The following HMG20A variants were observed in gnomAD, a reference collection of about 807,000 sequenced individuals.
The protein encoded by HMG20A is high mobility group protein 20A.
Under a neutral mutation model 43.9 loss-of-function variants are expected in HMG20A, and 17 were observed. The ratio of observed to expected loss-of-function variants is 0.39; its 90% CI spans 0.27 to 0.58. The LOEUF (loss-of-function observed/expected upper bound fraction) is 0.58, where lower values mean the gene tolerates loss of function less well. HMG20A is among the 20% of genes least tolerant of loss of function. The probability of loss-of-function intolerance (pLI) is 0.59; values close to 1 mark genes in which losing one functional copy is unlikely to be tolerated. For synonymous variants in HMG20A, 132 were observed against 147.5 expected, an observed-to-expected ratio of 0.89 and a Z score of 0.76; for missense variants, 341 against 438.2, an observed-to-expected ratio of 0.78 and a Z score of 1.98.
the HMG20A span, among the ~76,000 whole-genome samples, chr15:77,519,286 G>A: frequency 6.6e-6 from 1 of 152,328 alleles, no homozygotes; most frequent in East Asian, 1.9e-4. Context: ...TTGAAGTAGG[G>A]AGACAAGCCC....
intron 2 of HMG20A, among the ~76,000 whole-genome samples, chr15:77,463,195 T>C (rs2072721688): frequency 6.6e-6 from 1 of 152,212 alleles, no homozygotes; most frequent in Non-Finnish European, 1.5e-5. Context: ...ACCAAGTTCT[T>C]TCTATCTGGA....
At chr15:77,421,995 G>A (rs553112681) in intron 1 of HMG20A, among the ~76,000 whole-genome samples, 72 of 152,296 alleles carry the variant, frequency 4.7e-4, no homozygotes, top group Middle Eastern at 3.4e-3. Flanking sequence ...GCTCACAAAG[G>A]ACAAAAGGTC....
intron 1 of HMG20A, among the ~76,000 whole-genome samples, chr15:77,427,965 C>T (rs1369968363): frequency 6.6e-6 from 1 of 152,196 alleles, no homozygotes; most frequent in Non-Finnish European, 1.5e-5. Flanking sequence ...TGCAGATCCT[C>T]TAAGGCCAGT....
intron 2 of HMG20A, among the ~76,000 whole-genome samples, chr15:77,458,912 T>G (rs1376876900): frequency 6.6e-6 from 1 of 152,234 alleles, no homozygotes; most frequent in Non-Finnish European, 1.5e-5. Context: ...TAACTTTAGC[T>G]GACTTCTGTT....
intron 4 of HMG20A, among the ~76,000 whole-genome samples, chr15:77,467,755 T>G (rs2072769778): frequency 6.6e-6 from 1 of 152,236 alleles, no homozygotes; most frequent in African/African-American, 2.4e-5. Flanking sequence ...CAAATTAACC[T>G]ACTATTGAAA....
rs866371720 is a variant in HMG20A at position 77,484,931 on chromosome 15, T to C, written c.*1968T>C. 1 of 152,236 alleles carries C rather than the reference T, an allele frequency of 6.6e-6. No homozygotes were observed. The highest frequency in any genetic ancestry group is 1.5e-5 in the Non-Finnish European group (1 of 68,040). The allele number at this position is 152,236 out of a possible 1,614,324, so 9.4% of individuals were successfully genotyped here. On this transcript the variant is annotated 3_prime_UTR_variant, in exon 10 of 10. Coordinates refer to ENST00000336216, the MANE Select transcript of HMG20A (RefSeq NM_001304504.2). ...TCCTCATATTTCTGTTTCTCATTTG[T>C]GTTCAGTTTTGTGCAGCATTGCTAG...
At position 77,468,398 on chromosome 15, in the gene HMG20A, T is replaced by A. The variant is rs75056967; in HGVS notation, c.450+1091T>A. Among the ~76,000 whole-genome samples the A allele has an allele frequency of 2.1e-3, 314 of 152,290 alleles. 1 individual carries two copies. The highest frequency in any genetic ancestry group is 7.2e-3 in the African/African-American group (301 of 41,548). On this transcript the variant is annotated intron_variant, in intron 4 of 9. Transcript: ENST00000336216. ...TTGTGTTTGTTTTTGTTTTTTTAAC[T>A]TTTTTTGGAAATAATTTCAAATACA... is the stretch of plus-strand genomic sequence containing the variant.
chr15:77,481,417 G>A (rs1158621285), intron 9 of HMG20A, among the ~76,000 whole-genome samples: 1 of 152,186 alleles, frequency 6.6e-6, no homozygotes, highest in South Asian at 2.1e-4. Context: ...TAGCACTCTT[G>A]TAGGCTTGAA....
At chr15:77,519,607 C>T in the HMG20A span, among the ~76,000 whole-genome samples, 58 of 152,310 alleles carry the variant, frequency 3.8e-4, 1 homozygote, top group East Asian at 9.7e-3. Context: ...AGCAACGAGA[C>T]GCCATCTATG....
intron 1 of HMG20A, among the ~76,000 whole-genome samples, chr15:77,455,587 C>T (rs2072646582): frequency 6.6e-6 from 1 of 152,098 alleles, no homozygotes; most frequent in East Asian, 1.9e-4. Flanking sequence ...TACTAGGTAA[C>T]ATCTGCATGA....
At chr15:77,443,379 G>GATGATGATT (rs576920554) in intron 1 of HMG20A, among the ~76,000 whole-genome samples, 2,062 of 131,258 alleles carry the variant, frequency 0.016, 18 homozygotes, top group Middle Eastern at 0.038. Context: ...TGATGATGAT[G>GATGATGATT]ATTATTATTA....
chr15:77,429,789 T>C (rs568312216), intron 1 of HMG20A, among the ~76,000 whole-genome samples: 8 of 152,314 alleles, frequency 5.3e-5, no homozygotes, highest in African/African-American at 1.2e-4. Context: ...CAATAGCGTC[T>C]TTAAGAATAC....
the HMG20A span, among the ~76,000 whole-genome samples, chr15:77,504,231 G>A: frequency 6.6e-6 from 1 of 152,242 alleles, no homozygotes; most frequent in Non-Finnish European, 1.5e-5. Flanking sequence ...TAGCCTAGTG[G>A]CAACCTGGGG....
At chr15:77,517,750 A>G in the HMG20A span, among the ~76,000 whole-genome samples, 1 of 151,780 alleles carries the variant, frequency 6.6e-6, no homozygotes, top group East Asian at 1.9e-4. Flanking sequence ...TCATGGGGCA[A>G]ATGGGCACTG....
At chr15:77,495,220 G>A in the HMG20A span, among the ~76,000 whole-genome samples, 10 of 152,334 alleles carry the variant, frequency 6.6e-5, no homozygotes, top group African/African-American at 2.4e-4. Context: ...GGAGCAAGCA[G>A]CTGACTCCAG....
At chr15:77,424,663 G>C (rs558352535) in intron 1 of HMG20A, among the ~76,000 whole-genome samples, 2 of 152,156 alleles carry the variant, frequency 1.3e-5, no homozygotes, top group South Asian at 4.1e-4. Flanking sequence ...GACTGACTGA[G>C]CTTCAGCCTT....
chr15:77,499,535 A>G, the HMG20A span, among the ~76,000 whole-genome samples: 2 of 150,482 alleles, frequency 1.3e-5, no homozygotes, highest in African/African-American at 4.9e-5. Flanking sequence ...GCTCCCCCCC[A>G]CACACACACA....
the HMG20A span, among the ~76,000 whole-genome samples, chr15:77,507,999 C>T: frequency 6.6e-6 from 1 of 152,086 alleles, no homozygotes; most frequent in Non-Finnish European, 1.5e-5. Flanking sequence ...TGAAAAAAAG[C>T]CTCCCTAAAG....
chr15:77,447,918 A>G (rs1405360153), intron 1 of HMG20A: 1 of 152,212 alleles, frequency 6.6e-6, no homozygotes, highest in Non-Finnish European at 1.5e-5. Context: ...TTTAGCTTCA[A>G]AAAATTTGCA....
Sources: allele counts gnomAD v4.1 joint callset (sites outside exome capture counted in the v4.1 genomes callset), GRCh38; gene constraint gnomAD v4.1.1; transcripts MANE v1.5; gene names NCBI Gene and HGNC (gene_info 2026-07-23, HGNC 2026-07-21).